Variants in FAM151B observed in about 807,000 individuals in gnomAD.
FAM151B encodes the protein family with sequence similarity 151 member B.
In FAM151B, 24 loss-of-function variants were observed where a neutral mutation model predicts 31.2. The ratio of observed to expected loss-of-function variants is 0.77; its 90% CI spans 0.56 to 1.08. FAM151B has a LOEUF of 1.08. FAM151B is among the 50% of genes least tolerant of loss of function. FAM151B has a pLI of 0.00. For missense variants in FAM151B, 293 were observed against 328.6 expected (o/e 0.89, Z 0.84); for synonymous variants, 105 against 111.4 (o/e 0.94, Z 0.36).
chr5:80,541,629 T>C (rs1745896746), intron 5 of FAM151B, 44 bp from the exon 6 acceptor site: 6 of 1,585,866 alleles, frequency 3.8e-6, no homozygotes, highest in Non-Finnish European at 5.2e-6. Context: ...ACTCATCGCT[T>C]TCTTCCACTT....
intron 4 of FAM151B, 115 bp from the exon 5 acceptor site, chr5:80,521,888 T>C (rs939172109): frequency 6.0e-6 from 4 of 664,116 alleles, no homozygotes; most frequent in Admixed American, 3.4e-5. Flanking sequence ...GAAAGTATTA[T>C]GAATTACCTA....
chr5:80,538,464 T>TCTCTCTCTCTC (rs1561383734), intron 5 of FAM151B, among the ~76,000 whole-genome samples: 3 of 108,394 alleles, frequency 2.8e-5, no homozygotes, highest in Non-Finnish European at 3.8e-5. Flanking sequence ...CTTTCTTTCT[T>TCTCTCTCTCTC]TCTTTCTTTC....
intron 5 of FAM151B, among the ~76,000 whole-genome samples, chr5:80,532,334 G>T (rs1483048154): frequency 6.6e-6 from 1 of 152,022 alleles, no homozygotes; most frequent in Non-Finnish European, 1.5e-5. Flanking sequence ...TAACCTGCAT[G>T]TTGTGCACAT....
At chr5:80,500,215 T>A in intron 1 of FAM151B, 1 of 519,198 alleles carries the variant, frequency 1.9e-6, no homozygotes, top group East Asian at 3.2e-5. Flanking sequence ...ATAACAGAAA[T>A]AGATGACAAA....
At chr5:80,530,573 G>A (rs1745191456) in intron 5 of FAM151B, among the ~76,000 whole-genome samples, 1 of 152,110 alleles carries the variant, frequency 6.6e-6, no homozygotes, top group African/African-American at 2.4e-5. Flanking sequence ...AAAATCACAA[G>A]CGTTCCTATA....
intron 1 of FAM151B, among the ~76,000 whole-genome samples, chr5:80,489,243 A>G (rs1296535880): frequency 6.6e-6 from 1 of 152,030 alleles, no homozygotes; most frequent in Non-Finnish European, 1.5e-5. Context: ...ACATTTTTGC[A>G]TTGTTCTTCC....
rs1241428658 is a variant in FAM151B at position 80,504,206 on chromosome 5, T to C, written c.151+2289T>C. Among the ~76,000 whole-genome samples, 8 of 152,238 alleles carry C rather than the reference T, an allele frequency of 5.3e-5. No individual in the cohort carries two copies. In the South Asian group the frequency reaches 1.5e-3, roughly 28 times the overall value. The stretch of plus-strand genomic sequence containing the variant: ...AATGGCACCACAATCTACTTAGATG[T>C]TTCAACCAGAAATCTAGGAGTCATT... On this transcript the variant is annotated intron_variant, in intron 2 of 5. Coordinates refer to ENST00000282226, the MANE Select transcript of FAM151B (RefSeq NM_205548.3).
chr5:80,542,028 G>A lies in FAM151B; in HGVS notation c.*196G>A, dbSNP rs1301473003. ...TTACATAAAAGATTTGGAAAGAAGA[G>A]ATTTATTTACACACGTGGCCTAGTC... On this transcript the variant is annotated 3_prime_UTR_variant, in exon 6 of 6. Transcript: ENST00000282226. 2 of 561,124 alleles carry A rather than the reference G, an allele frequency of 3.6e-6. No individual in the cohort carries two copies. The highest frequency in any genetic ancestry group is 2.5e-5 in the South Asian group (1 of 40,108). 34.8% of individuals were successfully genotyped at this position (561,124 alleles called of 1,614,324 possible). A position where few individuals can be genotyped will look rare whatever the true frequency, so the allele number is the denominator to read the frequency against.
intron 1 of FAM151B, among the ~76,000 whole-genome samples, chr5:80,496,665 A>G (rs1743547591): frequency 6.6e-6 from 1 of 152,172 alleles, no homozygotes; most frequent in Non-Finnish European, 1.5e-5. Flanking sequence ...TCTAACAGAC[A>G]TACCACACTA....
In FAM151B at chr5:80,541,809, A is replaced by C. The variant is rs772472704; in HGVS notation, c.808A>C (p.Ile270Leu). 1 of 1,612,752 alleles carries C rather than the reference A, an allele frequency of 6.2e-7. No individual in the cohort carries two copies. Among genetic ancestry groups the C allele is most frequent in the Middle Eastern group, 1.7e-4 (1 of 6,044 alleles). ...EPQNHEFKQA[I>L]GIKVNL ...ACAAAACCATGAATTTAAACAAGCCATTGGAATCAAAGTTAATCTCTAAGA... is the reference window on the plus strand; with the variant it reads ...ACAAAACCATGAATTTAAACAAGCCCTTGGAATCAAAGTTAATCTCTAAGA... Residue 270 changes from isoleucine to leucine, a missense_variant, in exon 6 of 6, where the codon ATT (isoleucine) becomes CTT (leucine). By Grantham distance (5) the Ile-to-Leu change is conservative (BLOSUM62 2). Coordinates refer to ENST00000282226, the MANE Select transcript of FAM151B (RefSeq NM_205548.3).
intron 3 of FAM151B, among the ~76,000 whole-genome samples, chr5:80,518,585 G>A (rs1580437322): frequency 6.6e-6 from 1 of 152,112 alleles, no homozygotes; most frequent in East Asian, 1.9e-4. Context: ...TAAAATCTAG[G>A]CCCTCCCCAA....
At chr5:80,527,856 A>G (rs1343786826) in intron 5 of FAM151B, among the ~76,000 whole-genome samples, 1 of 152,208 alleles carries the variant, frequency 6.6e-6, no homozygotes, top group Non-Finnish European at 1.5e-5. Flanking sequence ...TCAAGAATAC[A>G]TTAACCTTAG....
intron 4 of FAM151B, 46 bp downstream of exon 4, chr5:80,519,956 C>T: frequency 6.5e-7 from 1 of 1,535,914 alleles, no homozygotes; most frequent in Non-Finnish European, 8.9e-7. Flanking sequence ...AAAATATCCT[C>T]CAGGTATAAA....
chr5:80,518,066 C>T (rs1744541288), intron 3 of FAM151B, among the ~76,000 whole-genome samples: 1 of 136,420 alleles, frequency 7.3e-6, no homozygotes, highest in Non-Finnish European at 1.6e-5. Flanking sequence ...GGCGAAACTC[C>T]ATCTCAAAGA....
chr5:80,500,631 T>C, intron 1 of FAM151B: 1 of 763,270 alleles, frequency 1.3e-6, no homozygotes, highest in Non-Finnish European at 2.4e-6. Flanking sequence ...GTCAGTGGTG[T>C]GAGCCCAAAG....
intron 5 of FAM151B, among the ~76,000 whole-genome samples, chr5:80,541,239 C>G (rs1380158788): frequency 1.3e-5 from 2 of 152,234 alleles, no homozygotes; most frequent in African/African-American, 4.8e-5. Context: ...GTATATGATT[C>G]TAAGTATTGT....
intron 5 of FAM151B, among the ~76,000 whole-genome samples, chr5:80,531,116 G>A (rs1745224378): frequency 6.6e-6 from 1 of 152,112 alleles, no homozygotes; most frequent in African/African-American, 2.4e-5. Context: ...TGACAAACCT[G>A]ACAAAAACAA....
At chr5:80,499,128 C>T (rs1417622541) in intron 1 of FAM151B, among the ~76,000 whole-genome samples, 4 of 152,084 alleles carry the variant, frequency 2.6e-5, no homozygotes, top group East Asian at 1.9e-4. Flanking sequence ...ACTTGCTAGG[C>T]TCTTAATAAA....
chr5:80,538,483 T>TTTCCTTCCTTCC lies in FAM151B; in HGVS notation c.672-3183_672-3172dup, dbSNP rs1423375528. Among the ~76,000 whole-genome samples the TTTCCTTCCTTCC allele has an allele frequency of 2.1e-3, 210 of 100,852 alleles. 5 individuals are homozygous for TTTCCTTCCTTCC. The highest frequency in any genetic ancestry group is 5.6e-3 in the Middle Eastern group (1 of 180). 66.2% of individuals were successfully genotyped at this position (100,852 alleles called of 152,430 possible). A position where few individuals can be genotyped will look rare whatever the true frequency, so the allele number is the denominator to read the frequency against. On this transcript the variant is annotated intron_variant, in intron 5 of 5. Transcript: ENST00000282226. The stretch of plus-strand genomic sequence containing the variant: ...CTTTCTTTCTTTCTTTCTTTCTTTC[T>TTTCCTTCCTTCC]TTCCTTCCTTCCTTCCTTTCTTTTC...
Sources: gnomAD v4.1 joint callset for allele counts (sites outside exome capture counted in the v4.1 genomes callset) on GRCh38, gnomAD v4.1.1 for gene constraint, MANE v1.5 for transcripts, NCBI Gene and HGNC (gene_info 2026-07-23, HGNC 2026-07-21) for gene names.